Variants in EXOC6B observed in about 807,000 individuals in gnomAD.
EXOC6B encodes the protein exocyst complex component 6B, also known as SEC15 homolog B.
EXOC6B carries 54 observed loss-of-function variants against 113.5 expected under a neutral mutation model. The ratio of observed to expected loss-of-function variants is 0.48; its 90% CI spans 0.38 to 0.60. The LOEUF (loss-of-function observed/expected upper bound fraction) is 0.60, where lower values mean the gene tolerates loss of function less well. Among genes scored for constraint, EXOC6B ranks in the 20% least tolerant of loss-of-function variants. The pLI, the probability that EXOC6B is intolerant of heterozygous loss-of-function variation, is 0.00. For synonymous variants in EXOC6B, 357 were observed against 339.0 expected, an observed-to-expected ratio of 1.05 and a Z score of -0.58; for missense variants, 797 against 977.5, an observed-to-expected ratio of 0.82 and a Z score of 2.46.
At chr2:72,340,132 A>G (rs1572937965) in intron 19 of EXOC6B, among the ~76,000 whole-genome samples, 1 of 152,116 alleles carries the variant, frequency 6.6e-6, no homozygotes, top group Admixed American at 6.5e-5. Context: ...TTAATTTGGT[A>G]TATTCATACT....
intron 6 of EXOC6B, among the ~76,000 whole-genome samples, chr2:72,698,364 T>C (rs1678042014): frequency 6.6e-6 from 1 of 152,142 alleles, no homozygotes; most frequent in South Asian, 2.1e-4. Context: ...ATGACATTGG[T>C]TAAGAGATAA....
chr2:72,639,187 T>A (rs752120508), intron 6 of EXOC6B, among the ~76,000 whole-genome samples: 4 of 152,060 alleles, frequency 2.6e-5, no homozygotes, highest in Admixed American at 1.3e-4. Context: ...AGTACAGTGT[T>A]CCCCCTGCCA....
rs565115132 is a variant in EXOC6B at position 72,287,348 on chromosome 2, G to A, written c.2196+47599C>T. Among the ~76,000 whole-genome samples, 380 of 150,756 alleles carry A rather than the reference G, an allele frequency of 2.5e-3. 1 individual carries two copies. Among genetic ancestry groups the A allele is most frequent in the African/African-American group, 8.6e-3 (354 of 41,074 alleles). On this transcript the variant is annotated intron_variant, in intron 20 of 21. Coordinates refer to ENST00000272427, the MANE Select transcript of EXOC6B (RefSeq NM_015189.3). ...AGGGAGGCTGAGGCAGGAGAATGGCGTGAACCCGGGAGGTGGAGTTTGCAG... is the reference window on the plus strand; with the variant it reads ...AGGGAGGCTGAGGCAGGAGAATGGCATGAACCCGGGAGGTGGAGTTTGCAG...
At chr2:72,810,240 TGTG>T (rs1303925729) in intron 1 of EXOC6B, among the ~76,000 whole-genome samples, 1 of 151,984 alleles carries the variant, frequency 6.6e-6, no homozygotes, top group Non-Finnish European at 1.5e-5. Context: ...ATTAGCTGGC[TGTG>T]GTGGTGCACG....
At chr2:72,705,596 T>C (rs538769713) in intron 6 of EXOC6B, among the ~76,000 whole-genome samples, 1 of 152,186 alleles carries the variant, frequency 6.6e-6, no homozygotes, top group Non-Finnish European at 1.5e-5. Flanking sequence ...TACACACACG[T>C]GCATACATAC....
intron 20 of EXOC6B, among the ~76,000 whole-genome samples, chr2:72,275,222 C>T (rs1336576032): frequency 6.6e-6 from 1 of 152,132 alleles, no homozygotes; most frequent in East Asian, 1.9e-4. Flanking sequence ...TACATTCATT[C>T]TACACCATAA....
chr2:72,483,104 G>A (rs1573226032), intron 16 of EXOC6B, among the ~76,000 whole-genome samples: 1 of 152,140 alleles, frequency 6.6e-6, no homozygotes, highest in East Asian at 1.9e-4. Context: ...ACTTTGGAGT[G>A]CTCTAGGAAA....
chr2:72,582,540 T>TA (rs1705290213), intron 6 of EXOC6B, among the ~76,000 whole-genome samples: 1 of 30,376 alleles, frequency 3.3e-5, no homozygotes, highest in Admixed American at 1.0e-3. Context: ...AAGTACAGAA[T>TA]TTTTTTTTTT....
At chr2:72,390,102 C>T (rs1692281047) in intron 18 of EXOC6B, among the ~76,000 whole-genome samples, 1 of 152,134 alleles carries the variant, frequency 6.6e-6, no homozygotes, top group African/African-American at 2.4e-5. Flanking sequence ...ACGAAAAATT[C>T]TTCCTCCATT....
chr2:72,774,223 A>C (rs1683564639), intron 1 of EXOC6B, among the ~76,000 whole-genome samples: 1 of 152,232 alleles, frequency 6.6e-6, no homozygotes, highest in South Asian at 2.1e-4. Context: ...TTGGAAGGGC[A>C]ACAGGCTACC....
chr2:72,479,475 T>C (rs1450335634), intron 17 of EXOC6B, among the ~76,000 whole-genome samples: 1 of 152,104 alleles, frequency 6.6e-6, no homozygotes, highest in Non-Finnish European at 1.5e-5. Context: ...ACAGGGGACA[T>C]AAATCATGGT....
chr2:72,184,118 A>G lies in EXOC6B; in HGVS notation c.2266T>C (p.Tyr756His). The stretch of plus-strand genomic sequence containing the variant: ...GCAGTCACTGGGTTTACCCGGAGGT[A>G]CTTGCAGTTGGGCTGACCATAGTCA... ...LADYGQPNCK[Y>H]LRVNPVTALT... Residue 756 changes from tyrosine (Y) to histidine (H), a missense_variant, in exon 21 of 22, where the codon TAC becomes CAC. Transcript: ENST00000272427. The G allele has an allele frequency of 6.4e-7, 1 of 1,566,442 alleles. No homozygotes were observed. The highest frequency in any genetic ancestry group is 2.4e-5 in the East Asian group (1 of 42,300).
At chr2:72,408,970 G>T (rs1573055310) in intron 18 of EXOC6B, among the ~76,000 whole-genome samples, 1 of 152,098 alleles carries the variant, frequency 6.6e-6, no homozygotes, top group East Asian at 1.9e-4. Context: ...CTACTCATCT[G>T]GCAAAGGGCT....
chr2:72,399,637 T>C (rs762633138), intron 18 of EXOC6B, among the ~76,000 whole-genome samples: 2 of 152,150 alleles, frequency 1.3e-5, no homozygotes, highest in Non-Finnish European at 1.5e-5. Context: ...AGCATTTCCA[T>C]ACACCAATAA....
chr2:72,360,228 C>T (rs1014803460), intron 19 of EXOC6B, among the ~76,000 whole-genome samples: 1 of 152,088 alleles, frequency 6.6e-6, no homozygotes. Context: ...GCTGGGACCA[C>T]AAGCATGTGC....
intron 19 of EXOC6B, among the ~76,000 whole-genome samples, chr2:72,367,880 C>T (rs1270355529): frequency 6.6e-6 from 1 of 152,190 alleles, no homozygotes; most frequent in Admixed American, 6.5e-5. Context: ...ATCATCCATT[C>T]TAGAGGTCAG....
intron 18 of EXOC6B, among the ~76,000 whole-genome samples, chr2:72,433,149 C>T (rs537028767): frequency 2.0e-5 from 3 of 152,186 alleles, no homozygotes; most frequent in Non-Finnish European, 4.4e-5. Flanking sequence ...TTCCCAACAT[C>T]ATTTATTAAA....
intron 6 of EXOC6B, among the ~76,000 whole-genome samples, chr2:72,677,673 A>G (rs1433678429): frequency 1.3e-5 from 2 of 152,224 alleles, no homozygotes. Flanking sequence ...TTTATTCACA[A>G]ATATCATCAA....
At chr2:72,353,947 A>C (rs2104953997) in intron 19 of EXOC6B, among the ~76,000 whole-genome samples, 1 of 152,314 alleles carries the variant, frequency 6.6e-6, no homozygotes, top group Non-Finnish European at 1.5e-5. Context: ...GAAATCTGAA[A>C]CAGTTAAGAT....
Sources: allele counts gnomAD v4.1 joint callset (sites outside exome capture counted in the v4.1 genomes callset), GRCh38; gene constraint gnomAD v4.1.1; transcripts MANE v1.5; gene names NCBI Gene and HGNC (gene_info 2026-07-23, HGNC 2026-07-21).